Variants in SGCZ observed in about 807,000 individuals in gnomAD.
SGCZ encodes the protein sarcoglycan zeta.
Under a neutral mutation model 41.3 loss-of-function variants are expected in SGCZ, and 40 were observed. The ratio of observed to expected loss-of-function variants is 0.97; its 90% CI spans 0.75 to 1.26. The LOEUF (loss-of-function observed/expected upper bound fraction) is 1.26, where lower values mean the gene tolerates loss of function less well. SGCZ is among the 50% of genes most tolerant of loss of function. The probability of loss-of-function intolerance (pLI) is 0.00; values close to 1 mark genes in which losing one functional copy is unlikely to be tolerated. For synonymous variants in SGCZ, 206 were observed against 137.5 expected, an observed-to-expected ratio of 1.50 and a Z score of -3.49; for missense variants, 552 against 369.8, an observed-to-expected ratio of 1.49 and a Z score of -4.04.
chr8:14,114,533 AT>A (rs559331175), intron 5 of SGCZ, among the ~76,000 whole-genome samples: 1 of 151,976 alleles, frequency 6.6e-6, no homozygotes, highest in East Asian at 1.9e-4. Flanking sequence ...TTCATTTGGC[AT>A]TTTTTTCATC....
chr8:14,465,500 A>G (rs915354112), intron 2 of SGCZ, among the ~76,000 whole-genome samples: 1 of 151,744 alleles, frequency 6.6e-6, no homozygotes, highest in Non-Finnish European at 1.5e-5. Context: ...CATTTAAGTA[A>G]TTACTGATAA....
At chr8:14,405,778 T>C (rs1799195501) in intron 2 of SGCZ, among the ~76,000 whole-genome samples, 1 of 152,210 alleles carries the variant, frequency 6.6e-6, no homozygotes, top group Non-Finnish European at 1.5e-5. Flanking sequence ...CTTAAAATGG[T>C]TAAGTATTAA....
chr8:14,789,386 A>C (rs965471298), intron 1 of SGCZ, among the ~76,000 whole-genome samples: 5 of 152,230 alleles, frequency 3.3e-5, no homozygotes, highest in Non-Finnish European at 7.3e-5. Context: ...ATGTCTACAA[A>C]TGACTGTAAT....
At chr8:15,130,983 C>T (rs1351800099) in intron 1 of SGCZ, among the ~76,000 whole-genome samples, 1 of 152,212 alleles carries the variant, frequency 6.6e-6, no homozygotes, top group African/African-American at 2.4e-5. Context: ...AATGAATGAA[C>T]TCAGCAGCCT....
At chr8:15,013,407 A>G (rs1368439062) in intron 1 of SGCZ, among the ~76,000 whole-genome samples, 1 of 152,188 alleles carries the variant, frequency 6.6e-6, no homozygotes, top group African/African-American at 2.4e-5. Flanking sequence ...GGTGCATTTA[A>G]TCTTGCCCTT....
At chr8:14,428,732 C>G (rs1456173485) in intron 2 of SGCZ, among the ~76,000 whole-genome samples, 1 of 152,170 alleles carries the variant, frequency 6.6e-6, no homozygotes, top group Non-Finnish European at 1.5e-5. Context: ...TTTAAGAAGG[C>G]TCTGGTAGTT....
intron 1 of SGCZ, among the ~76,000 whole-genome samples, chr8:15,100,092 G>C (rs1377152242): frequency 6.6e-6 from 1 of 151,980 alleles, no homozygotes; most frequent in East Asian, 1.9e-4. Flanking sequence ...TGTACCAAAA[G>C]TCATAGCTAA....
intron 3 of SGCZ, among the ~76,000 whole-genome samples, chr8:14,279,034 T>C (rs980759703): frequency 2.0e-5 from 3 of 152,070 alleles, no homozygotes. Context: ...CCCTGCAAAA[T>C]AAAATAATGT....
At chr8:15,192,819 G>A (rs1004139476) in intron 1 of SGCZ, among the ~76,000 whole-genome samples, 30 of 151,954 alleles carry the variant, frequency 2.0e-4, no homozygotes, top group Non-Finnish European at 2.9e-5. Flanking sequence ...CATTCTTGTG[G>A]TTTCTCACTC....
At chr8:15,066,263 G>T (rs1805139719) in intron 1 of SGCZ, among the ~76,000 whole-genome samples, 1 of 148,094 alleles carries the variant, frequency 6.8e-6, no homozygotes, top group Admixed American at 6.8e-5. Flanking sequence ...AGCCGAGATT[G>T]CGCCACTGCA....
At chr8:15,147,476 C>G (rs1005663927) in intron 1 of SGCZ, among the ~76,000 whole-genome samples, 1 of 152,148 alleles carries the variant, frequency 6.6e-6, no homozygotes, top group African/African-American at 2.4e-5. Flanking sequence ...CGGGGATTCT[C>G]CATGTTCGTC....
chr8:15,092,707 C>T (rs1366672871), intron 1 of SGCZ, among the ~76,000 whole-genome samples: 1 of 152,124 alleles, frequency 6.6e-6, no homozygotes, highest in Admixed American at 6.6e-5. Context: ...CCAAGAAAAT[C>T]ATATTTTAAA....
At chr8:15,007,837 A>G (rs370672481) in intron 1 of SGCZ, among the ~76,000 whole-genome samples, 13 of 152,324 alleles carry the variant, frequency 8.5e-5, no homozygotes, top group African/African-American at 3.1e-4. Context: ...AGATAAAATC[A>G]TTTCAAACTT....
intron 1 of SGCZ, among the ~76,000 whole-genome samples, chr8:14,895,861 T>C (rs1805176338): frequency 6.6e-6 from 1 of 152,210 alleles, no homozygotes; most frequent in East Asian, 1.9e-4. Context: ...AATTGATCTA[T>C]GTAGGGTAGA....
intron 1 of SGCZ, among the ~76,000 whole-genome samples, chr8:15,019,915 T>A (rs144522697): frequency 6.6e-6 from 1 of 150,678 alleles, no homozygotes; most frequent in Non-Finnish European, 1.5e-5. Flanking sequence ...AGATTAGCTT[T>A]GCATTCAGGG....
intron 2 of SGCZ, among the ~76,000 whole-genome samples, chr8:14,467,170 C>G (rs541920070): frequency 6.6e-6 from 1 of 151,934 alleles, no homozygotes; most frequent in East Asian, 1.9e-4. Context: ...TGTGACTTCT[C>G]CTGGACATTC....
chr8:15,168,467 CA>C (rs1196198616), intron 1 of SGCZ, among the ~76,000 whole-genome samples: 2 of 152,102 alleles, frequency 1.3e-5, no homozygotes, highest in Admixed American at 6.5e-5. Context: ...TAGCTCCCCC[CA>C]CAACCCAACC....
intron 1 of SGCZ, among the ~76,000 whole-genome samples, chr8:15,107,005 T>C (rs890752767): frequency 2.0e-5 from 3 of 152,208 alleles, no homozygotes; most frequent in Admixed American, 6.6e-5. Context: ...GTAGACTGTA[T>C]TGATGGATTA....
chr8:14,296,686 C>T (rs1380746777), intron 3 of SGCZ, among the ~76,000 whole-genome samples: 3 of 151,702 alleles, frequency 2.0e-5, no homozygotes, highest in Non-Finnish European at 4.4e-5. Flanking sequence ...TATTCTAATT[C>T]CTAGAGAAAT....
Sources: gnomAD v4.1 joint callset for allele counts (sites outside exome capture counted in the v4.1 genomes callset) on GRCh38, gnomAD v4.1.1 for gene constraint, MANE v1.5 for transcripts, NCBI Gene and HGNC (gene_info 2026-07-23, HGNC 2026-07-21) for gene names.